ZFYVE28: variants seen among roughly 807,000 people sequenced by gnomAD.
ZFYVE28 encodes lateral signaling target protein 2 homolog.
In ZFYVE28, 40 loss-of-function variants were observed where a neutral mutation model predicts 82.1. That is an observed-to-expected ratio of 0.49 (90% confidence interval 0.38 to 0.63). The LOEUF is 0.63. Ranked by LOEUF, ZFYVE28 falls within the 30% of genes least tolerant of loss-of-function variation. The pLI is 0.00. For synonymous variants in ZFYVE28, 612 were observed against 546.1 expected (o/e 1.12, Z -1.68); for missense variants, 1,321 against 1,242.1 (o/e 1.06, Z -0.96).
chr4:2,404,188 G>C (rs910581500), intron 1 of ZFYVE28, among the ~76,000 whole-genome samples: 1 of 151,898 alleles, frequency 6.6e-6, no homozygotes, highest in Non-Finnish European at 1.5e-5. Flanking sequence ...CAGGCATGGT[G>C]GTGGGTGCCT....
chr4:2,413,495 C>A (rs1318576332), intron 1 of ZFYVE28, among the ~76,000 whole-genome samples: 1 of 152,208 alleles, frequency 6.6e-6, no homozygotes. Flanking sequence ...CACTGCCAAG[C>A]GTCCTCCCAG....
At chr4:2,376,447 G>A (rs1211934082) in intron 1 of ZFYVE28, among the ~76,000 whole-genome samples, 1 of 143,378 alleles carries the variant, frequency 7.0e-6, no homozygotes, top group Non-Finnish European at 1.5e-5. Flanking sequence ...CTGTTATGAA[G>A]AAATACCTGA....
chr4:2,289,936 A>C (rs1221105761), intron 8 of ZFYVE28, among the ~76,000 whole-genome samples: 1 of 152,098 alleles, frequency 6.6e-6, no homozygotes, highest in Non-Finnish European at 1.5e-5. Flanking sequence ...GGCTGTGGCC[A>C]GCACTCCTCA....
In ZFYVE28 at chr4:2,339,694, G is replaced by T; in HGVS notation, c.319-39C>A. ...CACACTCAGGGAGGGGCCCGGGTGA[G>T]GGCCAGGCTCTCAGGGGTCGCCGAC... On this transcript the variant is annotated intron_variant, in intron 3 of 12. Transcript: ENST00000290974. The surrounding 1 kb of genome is among the most constrained non-coding windows in gnomAD (Gnocchi z 5.0). 2 of 1,544,546 alleles carry T rather than the reference G, an allele frequency of 1.3e-6. No homozygotes were observed. Among genetic ancestry groups the T allele is most frequent in the Non-Finnish European group, 1.7e-6 (2 of 1,145,596 alleles).
chr4:2,360,184 C>T (rs1725923936), intron 1 of ZFYVE28, among the ~76,000 whole-genome samples: 1 of 151,974 alleles, frequency 6.6e-6, no homozygotes, highest in Non-Finnish European at 1.5e-5. Flanking sequence ...AACAGGGAAG[C>T]TCCGAGTGTC....
intron 2 of ZFYVE28, among the ~76,000 whole-genome samples, chr4:2,349,424 G>GAGTT (rs2108875821): frequency 6.6e-6 from 1 of 151,818 alleles, no homozygotes; most frequent in South Asian, 2.1e-4. Flanking sequence ...GCTAGATGAT[G>GAGTT]AGTTAGTGGG....
At chr4:2,391,499 A>G (rs1375098011) in intron 1 of ZFYVE28, among the ~76,000 whole-genome samples, 2 of 148,020 alleles carry the variant, frequency 1.4e-5, no homozygotes, top group South Asian at 2.1e-4. Context: ...TGCAAATAAC[A>G]TAAAATTTGC....
At chr4:2,404,713 G>A (rs1229829407) in intron 1 of ZFYVE28, among the ~76,000 whole-genome samples, 1 of 152,158 alleles carries the variant, frequency 6.6e-6, no homozygotes, top group Non-Finnish European at 1.5e-5. Context: ...ATAGAAACAG[G>A]GTGTTTATAT....
chr4:2,354,121 G>A, intron 1 of ZFYVE28, 48 bp from the exon 2 acceptor site: 2 of 1,431,972 alleles, frequency 1.4e-6, no homozygotes, highest in South Asian at 1.5e-5. Context: ...GAACTGGAGG[G>A]GATGCCTCGG....
At chr4:2,354,562 G>A (rs567822820) in intron 1 of ZFYVE28, among the ~76,000 whole-genome samples, 1 of 150,850 alleles carries the variant, frequency 6.6e-6, no homozygotes, top group East Asian at 2.0e-4. Flanking sequence ...GGGTTCAAGC[G>A]ATTCTACTGT....
At chr4:2,321,231 G>A (rs1277703122) in intron 6 of ZFYVE28, among the ~76,000 whole-genome samples, 3 of 152,046 alleles carry the variant, frequency 2.0e-5, no homozygotes, top group Non-Finnish European at 4.4e-5. Context: ...GAGCACCACC[G>A]GCCTGTCTCT....
Position 2,304,749 on chromosome 4 carries a change from C to T in ZFYVE28, c.1591G>A (p.Val531Ile), listed in dbSNP as rs1393246681. ...PKSPTSLDSA[V>I]ATQEAASEPV... ...TCCGAGGCGGCCTCCTGGGTGGCGA[C>T]CGCAGAGTCCAGGGAAGTGGGCGAT... Residue 531 changes from valine (V) to isoleucine (I), a missense_variant, in exon 8 of 13, where the codon GTC (valine) becomes ATC (isoleucine). Around this residue, in one of 2 missense-constraint regions of ZFYVE28, gnomAD observed 978 missense variants for 833.7 expected, o/e 1.17. Coordinates refer to ENST00000290974, the MANE Select transcript of ZFYVE28 (RefSeq NM_020972.3). The T allele has an allele frequency of 3.7e-6, 6 of 1,612,612 alleles. No homozygotes were observed. The highest frequency in any genetic ancestry group is 2.7e-5 in the African/African-American group (2 of 74,926).
chr4:2,270,845 C>G lies in ZFYVE28; in HGVS notation c.2544G>C (p.Ser848=), dbSNP rs149712764. ...GCGGTGCTGAGTGCGAGGAGCAGCG[C>G]GAGCAGAAGATCTGGAATGGGGTTG... The part of the protein sequence containing the change: ...HCRSCGKIFC[S]RCSSHSAPLP... Residue 848 remains serine, a synonymous_variant, in exon 13 of 13, where the codon TCG becomes TCC. Coordinates refer to ENST00000290974, the MANE Select transcript of ZFYVE28 (RefSeq NM_020972.3). 6.2e-7 allele frequency: 1 copy of G among 1,612,702 alleles called. No individual in the cohort carries two copies. Among genetic ancestry groups the G allele is most frequent in the African/African-American group, 1.3e-5 (1 of 74,918 alleles).
Position 2,327,769 on chromosome 4 carries a change from T to C in ZFYVE28, c.702-7498A>G, listed in dbSNP as rs1442755148. Among the ~76,000 whole-genome samples, 3 of 152,182 alleles carry C rather than the reference T, an allele frequency of 2.0e-5. No homozygotes were observed. In the East Asian group the frequency reaches 5.8e-4, roughly 29 times the overall value. On this transcript the variant is annotated intron_variant, in intron 6 of 12. Transcript: ENST00000290974. ...TTGTGTATATTGAACCATCCTTGCA[T>C]TTCAGGGATAAAAACATTTCTCAAA... is the stretch of plus-strand genomic sequence containing the variant.
At chr4:2,397,609 A>G (rs3135079) in intron 1 of ZFYVE28, among the ~76,000 whole-genome samples, 45,461 of 151,830 alleles carry the variant, frequency 0.3, 7,735 homozygotes, top group African/African-American at 0.47. Context: ...GGCCCCCACC[A>G]GACTACTTTC....
At chr4:2,330,655 G>A in intron 6 of ZFYVE28, 4 of 1,416,796 alleles carry the variant, frequency 2.8e-6, no homozygotes, top group Non-Finnish European at 3.7e-6. Flanking sequence ...TAGTGGAGGG[G>A]CCAGCACCAT....
intron 6 of ZFYVE28, among the ~76,000 whole-genome samples, chr4:2,334,420 G>A (rs971081382): frequency 4.0e-5 from 6 of 151,868 alleles, no homozygotes; most frequent in East Asian, 1.9e-4. Context: ...TGCAGGCCCC[G>A]CCGCTGGCCC....
rs1175184341 is a variant in ZFYVE28, at chr4:2,308,675, AAGAG to A, written c.804-3143_804-3140del. ...AAAGAAAGAAAGAAAGAAAGAAAGAAAGAGAAAGAAAGAAAAGAAAAGAAAAGAA... is the reference window on the plus strand; with the variant it reads ...AAAGAAAGAAAGAAAGAAAGAAAGAAAAAGAAAGAAAAGAAAAGAAAAGAA... On this transcript the variant is annotated intron_variant, in intron 7 of 12. Coordinates refer to ENST00000290974, the MANE Select transcript of ZFYVE28 (RefSeq NM_020972.3). Among the ~76,000 whole-genome samples, 31 of 93,216 alleles carry A rather than the reference AAGAG, an allele frequency of 3.3e-4. 1 individual carries two copies. Among genetic ancestry groups the A allele is most frequent in the African/African-American group, 1.2e-3 (29 of 23,840 alleles). 61.2% of individuals were successfully genotyped at this position (93,216 alleles called of 152,430 possible). A position where few individuals can be genotyped will look rare whatever the true frequency, so the allele number is the denominator to read the frequency against.
At chr4:2,364,555 G>A in intron 1 of ZFYVE28, 5 of 985,558 alleles carry the variant, frequency 5.1e-6, no homozygotes, top group Non-Finnish European at 6.0e-6. Flanking sequence ...ACGTGGGAAG[G>A]GAATTTAGAC....
Sources: gnomAD v4.1 joint callset for allele counts (sites outside exome capture counted in the v4.1 genomes callset) on GRCh38, gnomAD v4.1.1 for gene constraint, gnomAD v4.1.1 regional missense constraint, Gnocchi (gnomAD v3.1) non-coding constraint, MANE v1.5 for transcripts, NCBI Gene and HGNC (gene_info 2026-07-23, HGNC 2026-07-21) for gene names.